The following ACTR3C variants were observed in gnomAD, a reference collection of about 807,000 sequenced individuals.
The protein encoded by ACTR3C is actin-related protein 3C.
Under a neutral mutation model 26.3 loss-of-function variants are expected in ACTR3C, and 18 were observed. The ratio of observed to expected loss-of-function variants is 0.68; its 90% CI spans 0.47 to 1.01. The LOEUF (loss-of-function observed/expected upper bound fraction) is 1.01, where lower values mean the gene tolerates loss of function less well. Among genes scored for constraint, ACTR3C ranks in the 50% least tolerant of loss-of-function variants. The pLI, the probability that ACTR3C is intolerant of heterozygous loss-of-function variation, is 0.00. For synonymous variants in ACTR3C, 55 were observed against 94.5 expected (o/e 0.58, Z 2.42); for missense variants, 184 against 250.7 (o/e 0.73, Z 1.80).
chr7:150,260,245 T>C (rs1833543752), intron 6 of ACTR3C, among the ~76,000 whole-genome samples: 1 of 152,218 alleles, frequency 6.6e-6, no homozygotes, highest in African/African-American at 2.4e-5. Flanking sequence ...GCATGTAGTA[T>C]ATGCTTAATA....
intron 3 of ACTR3C, among the ~76,000 whole-genome samples, chr7:150,291,533 A>T (rs1836266226): frequency 1.3e-5 from 2 of 152,242 alleles, no homozygotes; most frequent in Admixed American, 1.3e-4. Context: ...TGTCTATTTT[A>T]TCCAAATTTT....
At chr7:149,902,180 T>C in the ACTR3C span, among the ~76,000 whole-genome samples, 1 of 152,044 alleles carries the variant, frequency 6.6e-6, no homozygotes, top group Non-Finnish European at 1.5e-5. Context: ...TTTAATCCAG[T>C]ATATTTCTCA....
At chr7:149,995,828 G>A in the ACTR3C span, among the ~76,000 whole-genome samples, 2 of 152,278 alleles carry the variant, frequency 1.3e-5, no homozygotes, top group Non-Finnish European at 2.9e-5. Context: ...GCAGCACGCT[G>A]CACGGTCACG....
chr7:149,924,198 G>A, the ACTR3C span, among the ~76,000 whole-genome samples: 1 of 150,648 alleles, frequency 6.6e-6, no homozygotes, highest in Non-Finnish European at 1.5e-5. Flanking sequence ...CAACATGGTG[G>A]AAGCCCGTCT....
the ACTR3C span, chr7:149,881,681 CA>C: frequency 1.3e-5 from 2 of 152,484 alleles, no homozygotes; most frequent in East Asian, 3.9e-4. Flanking sequence ...GCAGGTTGCT[CA>C]GGGGGTTCAG....
the ACTR3C span, among the ~76,000 whole-genome samples, chr7:150,041,637 TC>T: frequency 0.01 from 659 of 65,220 alleles, 13 homozygotes; most frequent in African/African-American, 0.027. Flanking sequence ...GGGGGGTGCC[TC>T]CCCCCCCCTG....
the ACTR3C span, among the ~76,000 whole-genome samples, chr7:150,035,255 A>G: frequency 1.2e-5 from 1 of 80,692 alleles, no homozygotes. Flanking sequence ...TGGGGGAACC[A>G]GGGGCTGGCT....
the ACTR3C span, among the ~76,000 whole-genome samples, chr7:150,158,945 GCA>G: frequency 2.7e-5 from 4 of 146,930 alleles, no homozygotes; most frequent in Non-Finnish European, 6.0e-5. Flanking sequence ...AGACACACGG[GCA>G]CACACAGGTA....
chr7:149,929,960 T>C, the ACTR3C span, among the ~76,000 whole-genome samples: 1 of 152,216 alleles, frequency 6.6e-6, no homozygotes, highest in Non-Finnish European at 1.5e-5. Flanking sequence ...AGTCTTTCGA[T>C]GGGATGCACT....
At chr7:150,234,591 C>T in the ACTR3C span, among the ~76,000 whole-genome samples, 1 of 152,174 alleles carries the variant, frequency 6.6e-6, no homozygotes, top group African/African-American at 2.4e-5. Context: ...AAATCATCAG[C>T]ATTACCACTG....
chr7:149,926,687 C>T, the ACTR3C span, among the ~76,000 whole-genome samples: 1 of 152,262 alleles, frequency 6.6e-6, no homozygotes, highest in East Asian at 1.9e-4. Context: ...CACATCTTTT[C>T]CCTTGGCTGT....
the ACTR3C span, among the ~76,000 whole-genome samples, chr7:150,138,178 C>G: frequency 6.6e-6 from 1 of 152,068 alleles, no homozygotes; most frequent in African/African-American, 2.4e-5. Context: ...GGTTGTGACA[C>G]CAAGTAGACA....
chr7:149,885,753 C>A, the ACTR3C span, among the ~76,000 whole-genome samples: 2 of 152,270 alleles, frequency 1.3e-5, no homozygotes, highest in Admixed American at 1.3e-4. Flanking sequence ...TGAATTCCTG[C>A]GGATTCTGCA....
the ACTR3C span, among the ~76,000 whole-genome samples, chr7:149,913,758 A>G: frequency 1.3e-5 from 2 of 151,258 alleles, no homozygotes; most frequent in Non-Finnish European, 2.9e-5. Flanking sequence ...GCATTTTTAT[A>G]TAATGCAAGC....
chr7:150,219,526 G>A, the ACTR3C span, among the ~76,000 whole-genome samples: 8 of 143,076 alleles, frequency 5.6e-5, no homozygotes, highest in Non-Finnish European at 1.2e-4. Context: ...GATAGGTGAG[G>A]CGTATTGAGC....
chr7:150,181,122 G>T, the ACTR3C span, among the ~76,000 whole-genome samples: 8 of 150,890 alleles, frequency 5.3e-5, 1 homozygote, highest in African/African-American at 1.5e-4. Flanking sequence ...AAACCTATTA[G>T]TCACGGTCTA....
At chr7:149,963,274 T>C in the ACTR3C span, among the ~76,000 whole-genome samples, 1 of 152,220 alleles carries the variant, frequency 6.6e-6, no homozygotes, top group Non-Finnish European at 1.5e-5. Context: ...GGGGAACTGC[T>C]GCCCCAGGTT....
At chr7:150,251,353 G>A (rs1246476104) in intron 6 of ACTR3C, among the ~76,000 whole-genome samples, 14 of 151,760 alleles carry the variant, frequency 9.2e-5, no homozygotes, top group Non-Finnish European at 1.5e-4. Flanking sequence ...AATTAACTGC[G>A]TTTTTTTCCT....
At chr7:150,073,794 G>T in the ACTR3C span, 1 of 151,892 alleles carries the variant, frequency 6.6e-6, no homozygotes, top group African/African-American at 2.4e-5. Flanking sequence ...GAATATTACC[G>T]AATTCATTAA....
Sources: allele counts gnomAD v4.1 joint callset (sites outside exome capture counted in the v4.1 genomes callset), GRCh38; gene constraint gnomAD v4.1.1; transcripts MANE v1.5; gene names NCBI Gene and HGNC (gene_info 2026-07-23, HGNC 2026-07-21).